Variants in LRRN1 observed in about 807,000 individuals in gnomAD.
LRRN1 encodes the protein leucine rich repeat neuronal 1, also known as leucine-rich repeat neuronal protein 1.
A neutral mutation model predicts 45.8 loss-of-function variants in LRRN1; 14 were observed. The observed-to-expected ratio is 0.31, with a 90% CI of 0.20 to 0.48. The LOEUF (loss-of-function observed/expected upper bound fraction) is 0.48. Among genes scored for constraint, LRRN1 ranks in the 20% least tolerant of loss-of-function variants. The probability of loss-of-function intolerance (pLI) is 0.99; values close to 1 mark genes in which losing one functional copy is unlikely to be tolerated. For synonymous variants in LRRN1, 359 were observed against 330.1 expected, an observed-to-expected ratio of 1.09 and a Z score of -0.95; for missense variants, 789 against 874.2, an observed-to-expected ratio of 0.90 and a Z score of 1.23.
In LRRN1 at chr3:3,845,554, C is replaced by A; in HGVS notation, c.913C>A (p.Arg305Ser). The A allele has an allele frequency of 6.2e-7, 1 of 1,614,036 alleles. No homozygotes were observed. The highest frequency in any genetic ancestry group is 8.5e-7 in the Non-Finnish European group (1 of 1,180,020). ...NNMGELVSVD[R>S]YALDNLPELT... The stretch of plus-strand genomic sequence containing the variant: ...TATGGGCGAGCTCGTTTCTGTCGAC[C>A]GCTATGCCCTGGATAACTTGCCTGA... Residue 305 changes from arginine to serine, a missense_variant, in exon 2 of 2, where the codon CGC (arginine) becomes AGC (serine). By Grantham distance (110) the Arg-to-Ser change is moderately radical. Coordinates refer to ENST00000319331, the MANE Select transcript of LRRN1 (RefSeq NM_020873.7). The surrounding 1 kb of genome is among the most constrained non-coding windows in gnomAD (Gnocchi z 6.5).
At chr3:3,836,555 T>G (rs1693518899) in intron 1 of LRRN1, among the ~76,000 whole-genome samples, 1 of 152,132 alleles carries the variant, frequency 6.6e-6, no homozygotes, top group Non-Finnish European at 1.5e-5. Context: ...ACACCACATT[T>G]TCGTGTGTGT....
chr3:3,806,260 A>G (rs1692756492), intron 1 of LRRN1, among the ~76,000 whole-genome samples: 1 of 152,218 alleles, frequency 6.6e-6, no homozygotes, highest in Non-Finnish European at 1.5e-5. Flanking sequence ...GGTTACAGAA[A>G]GGAGACTGAC....
chr3:3,847,006 G>T lies in LRRN1; in HGVS notation c.*214G>T. The T allele has an allele frequency of 4.8e-6, 2 of 418,922 alleles. No individual in the cohort carries two copies. The highest frequency in any genetic ancestry group is 8.7e-6 in the Non-Finnish European group (2 of 229,150). 26.0% of individuals were successfully genotyped at this position (418,922 alleles called of 1,614,324 possible). ...ACTCTAGGCTTCCAGTCTGTGTTTG[G>T]TTTTTATTCTTATCATTATTATGAT... On this transcript the variant is annotated 3_prime_UTR_variant, in exon 2 of 2. Transcript: ENST00000319331.
At chr3:3,830,359 A>G (rs1161908075) in intron 1 of LRRN1, among the ~76,000 whole-genome samples, 4 of 152,228 alleles carry the variant, frequency 2.6e-5, no homozygotes, top group African/African-American at 9.6e-5. Flanking sequence ...CAGCCCATGA[A>G]TCGGTATATA....
At chr3:3,815,060 A>G (rs1310023129) in intron 1 of LRRN1, among the ~76,000 whole-genome samples, 1 of 152,120 alleles carries the variant, frequency 6.6e-6, no homozygotes, top group African/African-American at 2.4e-5. Context: ...CTCCTTAGTG[A>G]AGCATAAAGG....
At chr3:3,812,289 G>A (rs762023856) in intron 1 of LRRN1, among the ~76,000 whole-genome samples, 34 of 152,154 alleles carry the variant, frequency 2.2e-4, no homozygotes, top group African/African-American at 2.4e-5. Context: ...AGAAGTACAC[G>A]AGGCCAGGAG....
chr3:3,845,288 AT>A lies in LRRN1; in HGVS notation c.650del (p.Leu217Ter). 6.2e-7 allele frequency: 1 copy of A among 1,614,094 alleles called. No homozygotes were observed. Among genetic ancestry groups the A allele is most frequent in the Non-Finnish European group, 8.5e-7 (1 of 1,180,024 alleles). On this transcript the variant is annotated frameshift_variant, in exon 2 of 2. Coordinates refer to ENST00000319331, the MANE Select transcript of LRRN1 (RefSeq NM_020873.7). LOFTEE classifies it high-confidence loss of function. The surrounding 1 kb of genome is among the most constrained non-coding windows in gnomAD (Gnocchi z 6.5). ...ILDMNFKPLANLRSLVLAGMY... is the reference protein window; with the variant it reads ...ILDMNFKPLAXLRSLVLAGMY... ...GATATGAACTTCAAACCCCTCGCAA[AT>A]TTGAGAAGCTTAGTTTTGGCAGGAA...
intron 1 of LRRN1, among the ~76,000 whole-genome samples, chr3:3,812,398 G>T (rs1475232775): frequency 6.6e-6 from 1 of 152,186 alleles, no homozygotes; most frequent in Non-Finnish European, 1.5e-5. Context: ...CAGGCAAAGC[G>T]TATGGAGAGG....
intron 1 of LRRN1, among the ~76,000 whole-genome samples, chr3:3,837,246 T>A (rs185024182): frequency 2.3e-3 from 350 of 152,346 alleles, no homozygotes; most frequent in Non-Finnish European, 2.7e-3. Flanking sequence ...GCAAGGTTAC[T>A]TTGTAAACAA....
chr3:3,839,874 T>A (rs923396118), intron 1 of LRRN1, among the ~76,000 whole-genome samples: 1 of 152,120 alleles, frequency 6.6e-6, no homozygotes, highest in Non-Finnish European at 1.5e-5. Context: ...TTTAGTGGGT[T>A]TTTTGTGGGA....
In LRRN1 at chr3:3,844,938, A is replaced by G; in HGVS notation, c.297A>G (p.Glu99=). 1 of 1,614,170 alleles carries G rather than the reference A, an allele frequency of 6.2e-7. No individual in the cohort carries two copies. The highest frequency in any genetic ancestry group is 8.5e-7 in the Non-Finnish European group (1 of 1,180,024). Residue 99 remains glutamate (E), a synonymous_variant, in exon 2 of 2, where the codon GAA becomes GAG. Coordinates refer to ENST00000319331, the MANE Select transcript of LRRN1 (RefSeq NM_020873.7). ...TGCAGCAGCTTTTCAACTTGACTGA[A>G]CTAGATTTCTCCCAAAACAACTTTA... ...DELQQLFNLT[E]LDFSQNNFTN...
chr3:3,813,048 C>T (rs563032729), intron 1 of LRRN1, among the ~76,000 whole-genome samples: 2 of 152,142 alleles, frequency 1.3e-5, no homozygotes, highest in Admixed American at 1.3e-4. Flanking sequence ...CTCACAGATA[C>T]AGATTTTTTA....
chr3:3,843,151 T>C (rs913995890), intron 1 of LRRN1, among the ~76,000 whole-genome samples: 3 of 152,248 alleles, frequency 2.0e-5, no homozygotes, highest in Non-Finnish European at 4.4e-5. Flanking sequence ...TCAATAATCC[T>C]ATGAGAACTG....
chr3:3,801,148 CAG>C (rs1382606307), intron 1 of LRRN1: 1 of 152,284 alleles, frequency 6.6e-6, no homozygotes, highest in Non-Finnish European at 1.5e-5. Context: ...GCGCCAAGAA[CAG>C]AGCCTGGCCG....
intron 1 of LRRN1, among the ~76,000 whole-genome samples, chr3:3,838,111 T>A (rs1465805439): frequency 6.6e-6 from 1 of 152,174 alleles, no homozygotes; most frequent in African/African-American, 2.4e-5. Context: ...TCTACAACCA[T>A]CTGATCTTTG....
At chr3:3,831,996 C>T (rs1360828026) in intron 1 of LRRN1, among the ~76,000 whole-genome samples, 1 of 152,236 alleles carries the variant, frequency 6.6e-6, no homozygotes, top group Non-Finnish European at 1.5e-5. Context: ...ATGTCAATGG[C>T]TGCATACCAG....
intron 1 of LRRN1, among the ~76,000 whole-genome samples, chr3:3,814,501 G>A (rs144647790): frequency 2.1e-3 from 316 of 151,860 alleles, no homozygotes; most frequent in Non-Finnish European, 3.3e-3. Context: ...CTTTAACCTC[G>A]CCCATCCCTT....
chr3:3,834,341 C>T (rs910688599), intron 1 of LRRN1, among the ~76,000 whole-genome samples: 1 of 151,184 alleles, frequency 6.6e-6, no homozygotes, highest in Non-Finnish European at 1.5e-5. Context: ...ACAACAACGA[C>T]TATCAGTGTT....
intron 1 of LRRN1, among the ~76,000 whole-genome samples, chr3:3,830,117 TG>T (rs1333573259): frequency 6.6e-6 from 1 of 152,140 alleles, no homozygotes; most frequent in African/African-American, 2.4e-5. Flanking sequence ...CAGGGGTGGC[TG>T]GGGAAAGAGG....
Sources: gnomAD v4.1 joint callset for allele counts (sites outside exome capture counted in the v4.1 genomes callset) on GRCh38, gnomAD v4.1.1 for gene constraint, Gnocchi (gnomAD v3.1) non-coding constraint, MANE v1.5 for transcripts, NCBI Gene and HGNC (gene_info 2026-07-23, HGNC 2026-07-21) for gene names.